The following TMEM266 variants were observed in gnomAD, a reference collection of about 807,000 sequenced individuals.
TMEM266 encodes Hv1 related protein 1.
A neutral mutation model predicts 50.5 loss-of-function variants in TMEM266; 33 were observed. The observed-to-expected ratio is 0.65, with a 90% confidence interval of 0.50 to 0.87. The LOEUF (loss-of-function observed/expected upper bound fraction) is 0.87. Among genes scored for constraint, TMEM266 ranks in the 40% least tolerant of loss-of-function variants. The probability of loss-of-function intolerance (pLI) is 0.00; values close to 1 mark genes in which losing one functional copy is unlikely to be tolerated. For synonymous variants in TMEM266, 310 were observed against 292.3 expected (o/e 1.06, Z -0.62); for missense variants, 655 against 695.1 (o/e 0.94, Z 0.65).
At chr15:76,177,274 C>T (rs369421691) in intron 8 of TMEM266, among the ~76,000 whole-genome samples, 24 of 152,228 alleles carry the variant, frequency 1.6e-4, no homozygotes, top group East Asian at 9.6e-4. Context: ...GCACTCCGCG[C>T]GTTGTAGGTC....
chr15:76,180,529 C>T (rs929629994), intron 8 of TMEM266, among the ~76,000 whole-genome samples: 4 of 147,204 alleles, frequency 2.7e-5, no homozygotes, highest in African/African-American at 7.4e-5. Flanking sequence ...CACTGTGATG[C>T]GGCCTGGATC....
At chr15:76,159,800 A>G (rs1028349925) in intron 4 of TMEM266, among the ~76,000 whole-genome samples, 7 of 152,040 alleles carry the variant, frequency 4.6e-5, no homozygotes, top group African/African-American at 1.4e-4. Flanking sequence ...GGCTACAGCC[A>G]AAAGCCCACC....
At chr15:76,171,171 C>T (rs2038182637) in intron 7 of TMEM266, 40 bp downstream of exon 7, 2 of 1,603,650 alleles carry the variant, frequency 1.2e-6, no homozygotes, top group Non-Finnish European at 1.7e-6. Context: ...GGGGCTGCTC[C>T]AGAAAGTGGG....
chr15:76,067,841 C>A (rs1267742529), intron 1 of TMEM266, among the ~76,000 whole-genome samples: 1 of 151,650 alleles, frequency 6.6e-6, no homozygotes, highest in Non-Finnish European at 1.5e-5. Context: ...GTATATCAAA[C>A]CAAAAATAAT....
chr15:76,075,837 CTTTTTTTTTTTTTTTTTTTTTTTTT>C (rs71140194), intron 1 of TMEM266, among the ~76,000 whole-genome samples: 1 of 23,596 alleles, frequency 4.2e-5, no homozygotes, highest in East Asian at 1.2e-3. Flanking sequence ...GAGAAGGCAG[CTTTTTTTTTTTTTTTTTTTTTTTTT>C]TTTTTTTTTT....
intron 1 of TMEM266, among the ~76,000 whole-genome samples, chr15:76,104,573 C>T (rs1287032554): frequency 6.6e-6 from 1 of 152,106 alleles, no homozygotes; most frequent in Non-Finnish European, 1.5e-5. Context: ...AATCCCAGCA[C>T]TTTGGGAGGC....
chr15:76,142,746 C>T (rs1449335065), intron 3 of TMEM266, among the ~76,000 whole-genome samples: 1 of 152,188 alleles, frequency 6.6e-6, no homozygotes, highest in East Asian at 1.9e-4. Flanking sequence ...CCTTGACTTG[C>T]CTAGAAGCCC....
At chr15:76,189,268 G>A (rs2038532510) in intron 8 of TMEM266, among the ~76,000 whole-genome samples, 1 of 149,438 alleles carries the variant, frequency 6.7e-6, no homozygotes, top group South Asian at 2.1e-4. Flanking sequence ...AAGGAAGGGA[G>A]GAAGGGAGGA....
At chr15:76,187,387 C>G (rs764175532) in intron 8 of TMEM266, among the ~76,000 whole-genome samples, 8 of 152,186 alleles carry the variant, frequency 5.3e-5, no homozygotes, top group Non-Finnish European at 7.3e-5. Flanking sequence ...CTGCAGGCCT[C>G]GATGAGTGGC....
At chr15:76,099,477 G>C (rs1217170323) in intron 1 of TMEM266, among the ~76,000 whole-genome samples, 1 of 152,244 alleles carries the variant, frequency 6.6e-6, no homozygotes, top group African/African-American at 2.4e-5. Flanking sequence ...CCCATCTTCT[G>C]TGTCGACCTC....
rs747935485 is a variant in TMEM266, at chr15:76,137,720, G to A, written c.52G>A (p.Gly18Arg). ...TCTCCAACCCAGGCCTGCCATAGAA[G>A]GAGGAATTTCTGAAGTTGAGATCAT... Residue 18 changes from glycine (G) to arginine (R), a missense_variant, in exon 3 of 11, where the codon GGA becomes AGA. By Grantham distance (125) the Gly-to-Arg change is moderately radical. Coordinates refer to ENST00000388942, the MANE Select transcript of TMEM266 (RefSeq NM_152335.3). 20 of 1,614,018 alleles carry A rather than the reference G, an allele frequency of 1.2e-5. No individual in the cohort carries two copies. In the Admixed American group the frequency reaches 2.7e-4, roughly 22 times the overall value.
chr15:76,108,172 C>G (rs1293786162), intron 1 of TMEM266, among the ~76,000 whole-genome samples: 2 of 152,246 alleles, frequency 1.3e-5, no homozygotes, highest in Non-Finnish European at 1.5e-5. Flanking sequence ...ACAACTTGAG[C>G]CATTTCCCTG....
rs1397291834 is a variant in TMEM266 at position 76,170,693 on chromosome 15, G to A, written c.514-300G>A. Among the ~76,000 whole-genome samples, 3 of 152,206 alleles carry A rather than the reference G, an allele frequency of 2.0e-5. No individual in the cohort carries two copies. The East Asian group carries it at 5.8e-4, about 29-fold the overall frequency. On this transcript the variant is annotated intron_variant, in intron 6 of 10. Coordinates refer to ENST00000388942, the MANE Select transcript of TMEM266 (RefSeq NM_152335.3). ...CCAGCTTGGCCTCTGCCCAGGGCCT[G>A]GGATACAGGATGCAGGCCCTATCTT...
At chr15:76,197,546 G>A (rs1367592583) in intron 9 of TMEM266, among the ~76,000 whole-genome samples, 1 of 152,226 alleles carries the variant, frequency 6.6e-6, no homozygotes, top group Non-Finnish European at 1.5e-5. Context: ...AATGAAACAG[G>A]TGTAGAAGTT....
intron 1 of TMEM266, among the ~76,000 whole-genome samples, chr15:76,116,302 G>T (rs956291443): frequency 1.3e-5 from 2 of 152,112 alleles, no homozygotes; most frequent in Admixed American, 6.5e-5. Context: ...GGCCGATAAG[G>T]CTCCGTAGCT....
chr15:76,203,064 C>T (rs962224592), intron 10 of TMEM266, among the ~76,000 whole-genome samples: 2 of 152,142 alleles, frequency 1.3e-5, no homozygotes, highest in Non-Finnish European at 2.9e-5. Flanking sequence ...ACCCTGCACC[C>T]TCTGTAGGTC....
chr15:76,069,176 G>A (rs534728979), intron 1 of TMEM266, among the ~76,000 whole-genome samples: 6 of 152,162 alleles, frequency 3.9e-5, no homozygotes, highest in South Asian at 2.1e-4. Context: ...ACTCAGATTC[G>A]GCCTAGTTAG....
chr15:76,162,637 C>A (rs148300505), intron 5 of TMEM266, among the ~76,000 whole-genome samples: 38 of 152,306 alleles, frequency 2.5e-4, no homozygotes, highest in African/African-American at 8.9e-4. Flanking sequence ...CAGTTAAGAT[C>A]AAAACTGGAC....
chr15:76,204,333 G>A lies in TMEM266; in HGVS notation c.*18G>A, dbSNP rs2038803250. ...AGGCCTAGAGCCTGCCATGGGCTGG[G>A]TGAGATGAGGGGAGACAGCCATCTC... On this transcript the variant is annotated 3_prime_UTR_variant, in exon 11 of 11. Transcript: ENST00000388942. 1 of 1,576,154 alleles carries A rather than the reference G, an allele frequency of 6.3e-7. No homozygotes were observed. The highest frequency in any genetic ancestry group is 1.2e-5 in the South Asian group (1 of 86,720).
Sources: gnomAD v4.1 joint callset for allele counts (sites outside exome capture counted in the v4.1 genomes callset) on GRCh38, gnomAD v4.1.1 for gene constraint, MANE v1.5 for transcripts, NCBI Gene and HGNC (gene_info 2026-07-23, HGNC 2026-07-21) for gene names.